The following PNPLA7 variants were observed in gnomAD, a reference collection of about 807,000 sequenced individuals.
PNPLA7 encodes the protein patatin-like phospholipase domain-containing protein 7.
In PNPLA7, 153 loss-of-function variants were observed where a neutral mutation model predicts 161.7. The ratio of observed to expected loss-of-function variants is 0.95; its 90% CI spans 0.83 to 1.08. The LOEUF (loss-of-function observed/expected upper bound fraction) is 1.08. Ranked by LOEUF, PNPLA7 falls within the 50% of genes least tolerant of loss-of-function variation. The pLI, the probability that PNPLA7 is intolerant of heterozygous loss-of-function variation, is 0.00. For synonymous variants in PNPLA7, 809 were observed against 782.1 expected (o/e 1.03, Z -0.57); for missense variants, 1,739 against 1,856.6 (o/e 0.94, Z 1.16).
chr9:137,486,316 G>A lies in PNPLA7; in HGVS notation c.2198-1580C>T, dbSNP rs928792382. ...TGCAAGATCCTGGGATGCACACGGC[G>A]CCGTGGCAGCACTGCGGGTAAGAGC... On this transcript the variant is annotated intron_variant, in intron 20 of 34. Transcript: ENST00000406427. This position sits in a 1 kb window ranked among gnomAD's most constrained non-coding sequence, Gnocchi z 6.0. Among the ~76,000 whole-genome samples, 12 of 152,158 alleles carry A rather than the reference G, an allele frequency of 7.9e-5. No individual in the cohort carries two copies. Among genetic ancestry groups the A allele is most frequent in the Middle Eastern group, 3.2e-3 (1 of 316 alleles).
chr9:137,503,696 G>C (rs1421447084), intron 14 of PNPLA7, among the ~76,000 whole-genome samples: 4 of 141,844 alleles, frequency 2.8e-5, no homozygotes, highest in Non-Finnish European at 6.1e-5. Context: ...AGGGAAGAAA[G>C]AAGGGGAAGG....
intron 26 of PNPLA7, chr9:137,464,833 C>T (rs143184801): frequency 9.5e-5 from 24 of 253,462 alleles, no homozygotes; most frequent in Admixed American, 7.0e-4. Flanking sequence ...GAGCTCGGGG[C>T]GGGCTGCTGG....
intron 14 of PNPLA7, among the ~76,000 whole-genome samples, chr9:137,503,650 GGAA>G (rs894883695): frequency 2.1e-5 from 3 of 140,800 alleles, no homozygotes; most frequent in Non-Finnish European, 4.6e-5. Context: ...AGAAGGGGGA[GGAA>G]GAAGGAGAAG....
At chr9:137,473,672 C>T (rs1228852438) in intron 25 of PNPLA7, among the ~76,000 whole-genome samples, 1 of 152,170 alleles carries the variant, frequency 6.6e-6, no homozygotes, top group African/African-American at 2.4e-5. Context: ...AAAGAAGACA[C>T]ACAAATGGCC....
At chr9:137,536,843 G>A (rs923443281) in intron 8 of PNPLA7, among the ~76,000 whole-genome samples, 10 of 150,220 alleles carry the variant, frequency 6.7e-5, no homozygotes, top group Non-Finnish European at 1.2e-4. Context: ...GCCATCCTCC[G>A]AGCCACACTT....
At chr9:137,544,084 G>A (rs370392155) in intron 4 of PNPLA7, among the ~76,000 whole-genome samples, 3 of 152,176 alleles carry the variant, frequency 2.0e-5, no homozygotes, top group South Asian at 2.1e-4. Flanking sequence ...TGCTGGCCCC[G>A]CTGCCCCGAA....
At position 137,514,646 on chromosome 9, in the gene PNPLA7, G is replaced by C. The variant is rs558602071; in HGVS notation, c.1225+733C>G. Among the ~76,000 whole-genome samples, 26 of 145,988 alleles carry C rather than the reference G, an allele frequency of 1.8e-4. 1 individual carries two copies. The highest frequency in any genetic ancestry group is 6.2e-4 in the African/African-American group (24 of 39,022). On this transcript the variant is annotated intron_variant, in intron 12 of 34. Coordinates refer to ENST00000406427, the MANE Select transcript of PNPLA7 (RefSeq NM_001098537.3). ...TGGCTGGGCTGCGGGCGGGTCACCC[G>C]GATGTTGAGGTGCCTGGGCCCTGTG...
intron 21 of PNPLA7, among the ~76,000 whole-genome samples, chr9:137,481,377 G>A (rs986708519): frequency 6.6e-6 from 1 of 152,230 alleles, no homozygotes. Context: ...AAGGCTGTGC[G>A]ATGGGAGATA....
At chr9:137,528,057 A>G (rs1408020906) in intron 8 of PNPLA7, among the ~76,000 whole-genome samples, 2 of 152,186 alleles carry the variant, frequency 1.3e-5, no homozygotes, top group African/African-American at 4.8e-5. Flanking sequence ...TTTCCTTATT[A>G]GTCCTTTTAT....
chr9:137,526,504 C>T (rs1835310133), intron 8 of PNPLA7, among the ~76,000 whole-genome samples: 1 of 152,184 alleles, frequency 6.6e-6, no homozygotes, highest in Admixed American at 6.5e-5. Flanking sequence ...GTCTCAATCT[C>T]CTGACCTCAT....
At position 137,547,343 on chromosome 9, in the gene PNPLA7, G is replaced by A. The variant is rs368128970; in HGVS notation, c.159C>T (p.Leu53=). 37 of 1,613,498 alleles carry A rather than the reference G, an allele frequency of 2.3e-5. No individual in the cohort carries two copies. The highest frequency in any genetic ancestry group is 3.0e-5 in the Non-Finnish European group (35 of 1,180,016). ...ALLALALVGV[L]ILFMFRRLRQ... is the part of the protein sequence containing the mutation. Reference sequence around the variant, plus strand: ...TAAGCCTTCTGAACATGAAAAGGATGAGGACACCAACCAAGGCCAGGGCCA... The same window carrying A: ...TAAGCCTTCTGAACATGAAAAGGATAAGGACACCAACCAAGGCCAGGGCCA... The change falls in exon 3 of 35, where the codon CTC becomes CTT. Residue 53 remains leucine, a synonymous_variant. Transcript: ENST00000406427. The surrounding 1 kb of genome is among the most constrained non-coding windows in gnomAD (Gnocchi z 4.6).
In PNPLA7 at chr9:137,463,466, G is replaced by A. The variant is rs1183651762; in HGVS notation, c.3292C>T (p.Pro1098Ser). ...LSGYMPPLCD[P>S]KDGHLLMDGG... ...TCCATCAGCAGGTGTCCGTCCTTCG[G>A]GTCACAGAGAGGGGGCATGTAACCG... Residue 1098 changes from proline (P) to serine (S), a missense_variant, in exon 29 of 35, where the codon CCG becomes TCG. Transcript: ENST00000406427. 5 of 1,596,468 alleles carry A rather than the reference G, an allele frequency of 3.1e-6. No homozygotes were observed. The highest frequency in any genetic ancestry group is 4.3e-6 in the Non-Finnish European group (5 of 1,171,650).
At position 137,462,020 on chromosome 9, in the gene PNPLA7, G is replaced by T; in HGVS notation, c.3667C>A (p.Arg1223Ser). The change falls in exon 32 of 35, where the codon CGC becomes AGC. Residue 1223 changes from arginine (R) to serine (S), a missense_variant. Physicochemically the swap from Arg to Ser is moderately radical, Grantham distance 110. This residue lies in a region of PNPLA7 where 703 missense variants were observed against 694.6 expected (regional missense o/e 1.01). Coordinates refer to ENST00000406427, the MANE Select transcript of PNPLA7 (RefSeq NM_001098537.3). ...EICEVGYQHG[R>S]TVFDIWGRSG... ...CGGCCCCAGATGTCAAACACCGTGC[G>T]CCCGTGCTGGTAGCCCACTTCCTGT... 2.5e-6 allele frequency: 4 copies of T among 1,599,666 alleles called. No homozygotes were observed. Among genetic ancestry groups the T allele is most frequent in the Non-Finnish European group, 3.4e-6 (4 of 1,174,544 alleles).
intron 14 of PNPLA7, 124 bp downstream of exon 14, chr9:137,505,490 C>T (rs1302239977): frequency 8.6e-7 from 1 of 1,161,560 alleles, no homozygotes; most frequent in East Asian, 2.5e-5. Flanking sequence ...AGCCTGCACT[C>T]CACCCAAAAC....
intron 8 of PNPLA7, 28 bp from the exon 9 acceptor site, chr9:137,522,885 C>G (rs1172984206): frequency 1.2e-6 from 2 of 1,609,482 alleles, no homozygotes; most frequent in Admixed American, 3.3e-5. Context: ...TCAGTCCCCA[C>G]TCTGTGGGCC....
intron 12 of PNPLA7, among the ~76,000 whole-genome samples, chr9:137,512,177 C>T (rs1834272797): frequency 1.3e-5 from 2 of 152,248 alleles, no homozygotes; most frequent in Admixed American, 1.3e-4. Flanking sequence ...GACCCTACAC[C>T]CCTGAGCCAA....
intron 9 of PNPLA7, among the ~76,000 whole-genome samples, chr9:137,522,224 G>C (rs184304913): frequency 1.3e-5 from 2 of 152,178 alleles, no homozygotes; most frequent in African/African-American, 4.8e-5. Context: ...ACAGGCGCCC[G>C]CCACCACGCC....
At position 137,467,525 on chromosome 9, in the gene PNPLA7, G is replaced by A. The variant is rs538085816; in HGVS notation, c.2883-52C>T. The A allele has an allele frequency of 3.8e-5, 60 of 1,592,954 alleles. No homozygotes were observed. The highest frequency in any genetic ancestry group is 1.9e-4 in the Admixed American group (11 of 58,968). ...GGAGTGAGTACCAGGCCCAGGCTGC[G>A]CCCTGCAGAGGCCTTGTGCTCATCC... On this transcript the variant is annotated intron_variant, in intron 25 of 34. Coordinates refer to ENST00000406427, the MANE Select transcript of PNPLA7 (RefSeq NM_001098537.3). This position sits in a 1 kb window ranked among gnomAD's most constrained non-coding sequence, Gnocchi z 5.1.
chr9:137,461,740 C>T, intron 32 of PNPLA7, 120 bp from the exon 33 acceptor site: 1 of 1,240,380 alleles, frequency 8.1e-7, no homozygotes, highest in Non-Finnish European at 1.1e-6. Flanking sequence ...GCCTGCCCCC[C>T]AAGTAAGGGC....
Sources: allele counts gnomAD v4.1 joint callset (sites outside exome capture counted in the v4.1 genomes callset), GRCh38; gene constraint gnomAD v4.1.1; regional missense constraint gnomAD v4.1.1; non-coding constraint Gnocchi (gnomAD v3.1); transcripts MANE v1.5; gene names NCBI Gene and HGNC (gene_info 2026-07-23, HGNC 2026-07-21).